GFOD1: variants seen among roughly 807,000 people sequenced by gnomAD.
The protein encoded by GFOD1 is glucose-fructose oxidoreductase domain-containing protein 1.
GFOD1 carries 9 observed loss-of-function variants against 25.4 expected under a neutral mutation model. That is an observed-to-expected ratio of 0.35 (90% confidence interval 0.21 to 0.62). GFOD1 has a LOEUF of 0.62. GFOD1 is among the 20% of genes least tolerant of loss of function. GFOD1 has a pLI of 0.72. For missense variants in GFOD1, 403 were observed against 556.9 expected (o/e 0.72, Z 2.78); for synonymous variants, 253 against 245.6 (o/e 1.03, Z -0.28).
chr6:13,466,468 C>G (rs1758380813), intron 1 of GFOD1, among the ~76,000 whole-genome samples: 1 of 152,084 alleles, frequency 6.6e-6, no homozygotes, highest in South Asian at 2.1e-4. Flanking sequence ...TAACTACATG[C>G]CGAGGGAGCC....
chr6:13,390,777 G>GGAAGGAAGGAAGGAAGGAAGGAAGGA (rs1195738735), intron 1 of GFOD1, among the ~76,000 whole-genome samples: 50 of 75,450 alleles, frequency 6.6e-4, no homozygotes, highest in Non-Finnish European at 1.0e-3. Context: ...GAGAGAGAGA[G>GGAAGGAAGGAAGGAAGGAAGGAAGGA]AGAAAGGAAG....
intron 1 of GFOD1, among the ~76,000 whole-genome samples, chr6:13,463,206 G>A (rs1266608197): frequency 6.6e-6 from 1 of 152,212 alleles, no homozygotes; most frequent in Admixed American, 6.5e-5. Context: ...ATGCAGAAGG[G>A]TGGGGCTGGC....
intron 1 of GFOD1, among the ~76,000 whole-genome samples, chr6:13,468,068 T>C (rs988781792): frequency 6.6e-6 from 1 of 152,198 alleles, no homozygotes; most frequent in Non-Finnish European, 1.5e-5. Context: ...GAAAAATATA[T>C]TTTTTCATTA....
intron 1 of GFOD1, among the ~76,000 whole-genome samples, chr6:13,404,414 T>C (rs1785908002): frequency 6.6e-6 from 1 of 152,170 alleles, no homozygotes; most frequent in Admixed American, 6.5e-5. Context: ...TGAGACAATG[T>C]GTATGATGAA....
chr6:13,473,755 T>C (rs1758557081), intron 1 of GFOD1, among the ~76,000 whole-genome samples: 2 of 152,100 alleles, frequency 1.3e-5, no homozygotes, highest in African/African-American at 4.8e-5. Context: ...CTGGGCCCAG[T>C]TGAAGACCAA....
intron 1 of GFOD1, among the ~76,000 whole-genome samples, chr6:13,444,682 TAAA>T (rs950951627): frequency 6.6e-6 from 1 of 152,010 alleles, no homozygotes; most frequent in African/African-American, 2.4e-5. Context: ...AACTTAAAAA[TAAA>T]AAAAATTTAA....
intron 1 of GFOD1, among the ~76,000 whole-genome samples, chr6:13,390,904 G>A (rs772312447): frequency 6.6e-6 from 1 of 152,196 alleles, no homozygotes; most frequent in Non-Finnish European, 1.5e-5. Flanking sequence ...TTAGCACAGT[G>A]CCTGGCACAG....
intron 1 of GFOD1, among the ~76,000 whole-genome samples, chr6:13,388,168 T>C (rs10948648): frequency 0.46 from 70,298 of 152,098 alleles, 18,346 homozygotes; most frequent in East Asian, 0.68. Flanking sequence ...GAATCAATGT[T>C]GTGAAAATGG....
At chr6:13,474,334 G>A (rs9474290) in intron 1 of GFOD1, among the ~76,000 whole-genome samples, 4,832 of 152,232 alleles carry the variant, frequency 0.032, 243 homozygotes, top group African/African-American at 0.11. Context: ...AGCTGAGATC[G>A]TGCCACTTCA....
At chr6:13,480,523 AT>A in intron 1 of GFOD1, among the ~76,000 whole-genome samples, 1 of 152,190 alleles carries the variant, frequency 6.6e-6, no homozygotes, top group South Asian at 2.1e-4. Context: ...TCTGGTTTTT[AT>A]TTTATTTTGA....
intron 1 of GFOD1, among the ~76,000 whole-genome samples, chr6:13,476,103 G>C (rs1758618260): frequency 6.6e-6 from 1 of 152,168 alleles, no homozygotes; most frequent in Admixed American, 6.5e-5. Flanking sequence ...ATTTAACCAA[G>C]AGAAATGAAA....
At chr6:13,416,586 A>G (rs929684840) in intron 1 of GFOD1, among the ~76,000 whole-genome samples, 2 of 152,210 alleles carry the variant, frequency 1.3e-5, no homozygotes, top group Admixed American at 6.5e-5. Context: ...CAAAAGGGAT[A>G]GTGTCATTTG....
At chr6:13,428,555 C>T (rs1757686371) in intron 1 of GFOD1, among the ~76,000 whole-genome samples, 1 of 152,098 alleles carries the variant, frequency 6.6e-6, no homozygotes, top group South Asian at 2.1e-4. Flanking sequence ...TCACACCCAG[C>T]ACATTAAAGG....
intron 1 of GFOD1, among the ~76,000 whole-genome samples, chr6:13,409,410 A>G (rs988212014): frequency 3.9e-5 from 6 of 152,110 alleles, no homozygotes; most frequent in African/African-American, 1.2e-4. Flanking sequence ...CAATGAAATA[A>G]AAGAGACAAA....
intron 1 of GFOD1, among the ~76,000 whole-genome samples, chr6:13,381,921 A>AGTG (rs775737464): frequency 2.4e-5 from 3 of 125,296 alleles, no homozygotes; most frequent in Non-Finnish European, 4.7e-5. Flanking sequence ...GCGCGCACAC[A>AGTG]CACACACACA....
chr6:13,420,840 G>C (rs1051313905), intron 1 of GFOD1, among the ~76,000 whole-genome samples: 3 of 152,182 alleles, frequency 2.0e-5, no homozygotes, highest in Non-Finnish European at 4.4e-5. Context: ...AGCAGGTTGT[G>C]ATGTGTTTCA....
Position 13,470,218 on chromosome 6 carries a change from C to T in GFOD1, c.253+16420G>A, listed in dbSNP as rs551119024. On this transcript the variant is annotated intron_variant, in intron 1 of 1. Transcript: ENST00000379287. Reference sequence around the variant, plus strand: ...CATCTATCTGTAATCTTGACTGGGTCTGGGGACTGGAAAGAAGGGCAATTG... The same window carrying T: ...CATCTATCTGTAATCTTGACTGGGTTTGGGGACTGGAAAGAAGGGCAATTG... The T allele has an allele frequency of 1.3e-5, 20 of 1,595,620 alleles. No individual in the cohort carries two copies. In the South Asian group the frequency reaches 1.7e-4, roughly 13 times the overall value.
At chr6:13,466,571 G>A (rs906329451) in intron 1 of GFOD1, among the ~76,000 whole-genome samples, 2 of 152,140 alleles carry the variant, frequency 1.3e-5, no homozygotes, top group African/African-American at 4.8e-5. Context: ...CCTCCCTGTG[G>A]CCTCCTGTGA....
At chr6:13,384,705 C>T (rs1482152639) in intron 1 of GFOD1, among the ~76,000 whole-genome samples, 1 of 152,204 alleles carries the variant, frequency 6.6e-6, no homozygotes, top group African/African-American at 2.4e-5. Flanking sequence ...GCCGGTTCCA[C>T]AGGCTGGGAG....
Sources: allele counts gnomAD v4.1 joint callset (sites outside exome capture counted in the v4.1 genomes callset), GRCh38; gene constraint gnomAD v4.1.1; transcripts MANE v1.5; gene names NCBI Gene and HGNC (gene_info 2026-07-23, HGNC 2026-07-21).